Variants in CDKL5 observed in about 807,000 individuals in gnomAD.
CDKL5 encodes cyclin-dependent kinase-like 5.
A neutral mutation model predicts 61.7 loss-of-function variants in CDKL5; 8 were observed. The observed-to-expected ratio is 0.13, with a 90% confidence interval of 0.08 to 0.23. The LOEUF is 0.23. Ranked by LOEUF, CDKL5 falls within the 10% of genes least tolerant of loss-of-function variation. The pLI is 1.00. For synonymous variants in CDKL5, 275 were observed against 272.3 expected (o/e 1.01, Z -0.10); for missense variants, 440 against 734.5 (o/e 0.60, Z 4.63).
chrX:18,505,695 CA>C (rs1348472472), intron 1 of CDKL5, among the ~76,000 whole-genome samples: 2 of 112,418 alleles, frequency 1.8e-5, no homozygotes, highest in Non-Finnish European at 3.8e-5. Flanking sequence ...TACATCCTAT[CA>C]GGGGGCATAT....
chrX:18,567,984 C>T (rs1233387108), intron 4 of CDKL5, among the ~76,000 whole-genome samples: 2 of 111,913 alleles, frequency 1.8e-5, no homozygotes, highest in Admixed American at 9.5e-5. Flanking sequence ...TATAGTTGGG[C>T]AAAATCATAT....
chrX:18,645,998 A>G lies in CDKL5; in HGVS notation c.2714-9A>G, dbSNP rs1398490648. The G allele has an allele frequency of 1.7e-6, 2 of 1,211,046 alleles. No individual in the cohort carries two copies. Among genetic ancestry groups the G allele is most frequent in the South Asian group, 1.8e-5 (1 of 56,943 alleles). On this transcript the variant is annotated splice_polypyrimidine_tract_variant and intron_variant, in intron 19 of 21. Coordinates refer to the CDKL5 transcript ENST00000379989. Reference sequence around the variant, plus strand: ...CTCTGCTGCTCTTTTGTTTCTCCCCACTAACTAGACGGTGGATGTGATGGC... The same window carrying G: ...CTCTGCTGCTCTTTTGTTTCTCCCCGCTAACTAGACGGTGGATGTGATGGC...
chrX:18,509,197 G>GCGCACACA (rs1555940193), intron 2 of CDKL5, among the ~76,000 whole-genome samples: 22 of 64,308 alleles, frequency 3.4e-4, no homozygotes, highest in African/African-American at 7.1e-4. Flanking sequence ...CTCAAAACAC[G>GCGCACACA]CACACACACA....
intron 1 of CDKL5, among the ~76,000 whole-genome samples, chrX:18,476,937 T>G (rs1921338049): frequency 1.8e-5 from 2 of 111,244 alleles, no homozygotes. Context: ...GCCCAGCTAA[T>G]TTTTGTATTT....
chrX:18,586,625 T>A (rs958569142), intron 8 of CDKL5, among the ~76,000 whole-genome samples: 9 of 112,384 alleles, frequency 8.0e-5, no homozygotes, highest in African/African-American at 2.6e-4. Flanking sequence ...GAGCCATATT[T>A]GTAAAAATCC....
At chrX:18,458,706 G>A (rs1359904454) in intron 1 of CDKL5, among the ~76,000 whole-genome samples, 2 of 109,439 alleles carry the variant, frequency 1.8e-5, no homozygotes, top group East Asian at 5.7e-4. Context: ...AGGCGACAGA[G>A]CGAGACCCTG....
At chrX:18,547,431 G>A (rs1265970096) in intron 3 of CDKL5, among the ~76,000 whole-genome samples, 1 of 112,202 alleles carries the variant, frequency 8.9e-6, no homozygotes, top group Non-Finnish European at 1.9e-5. Context: ...CAAAACTGAT[G>A]ATCTTACTGA....
At chrX:18,652,374 T>G (rs1010123750) in intron 21 of CDKL5, among the ~76,000 whole-genome samples, 1 of 112,066 alleles carries the variant, frequency 8.9e-6, no homozygotes, top group African/African-American at 3.2e-5. Context: ...GTGAAAGAAT[T>G]AAGGGGATCC....
intron 1 of CDKL5, among the ~76,000 whole-genome samples, chrX:18,448,388 C>G (rs144152185): frequency 1.3e-3 from 144 of 112,200 alleles, no homozygotes; most frequent in African/African-American, 4.5e-3. Context: ...GATATAGTCT[C>G]TGCCCACCCA....
At chrX:18,502,667 G>C (rs1922429519) in intron 1 of CDKL5, among the ~76,000 whole-genome samples, 1 of 111,541 alleles carries the variant, frequency 9.0e-6, no homozygotes, top group Non-Finnish European at 1.9e-5. Context: ...AATCTGTAGG[G>C]ATACTGAAGT....
At chrX:18,642,131 G>A (rs150172233), downstream of CDKL5, 1,532 of 1,210,174 alleles carry the variant, frequency 1.3e-3, 7 homozygotes, top group Non-Finnish European at 8.8e-4. Context: ...AACCGTGGAG[G>A]TGCGGTCCGA....
intron 9 of CDKL5, 129 bp downstream of exon 9, chrX:18,588,272 C>T: frequency 2.1e-6 from 1 of 486,275 alleles, no homozygotes; most frequent in South Asian, 4.1e-5. Context: ...TTTATAATCC[C>T]TATTATAATA....
At chrX:18,609,021 A>G (rs763352639) in intron 13 of CDKL5, 109 bp downstream of exon 13, 1 of 566,235 alleles carries the variant, frequency 1.8e-6, no homozygotes. Flanking sequence ...AGTGGCTTAT[A>G]AAGTAAGTAG....
intron 20 of CDKL5, among the ~76,000 whole-genome samples, chrX:18,646,351 A>G (rs995606779): frequency 1.8e-5 from 2 of 111,514 alleles, no homozygotes; most frequent in Non-Finnish European, 3.8e-5. Context: ...ATGAGGTTTC[A>G]CCATGTTGGC....
At chrX:18,505,070 CAA>C (rs1922530708) in intron 1 of CDKL5, among the ~76,000 whole-genome samples, 2 of 111,250 alleles carry the variant, frequency 1.8e-5, no homozygotes, top group South Asian at 7.4e-4. Context: ...CTTTTTGAAA[CAA>C]AGCTTATTTT....
intron 1 of CDKL5, among the ~76,000 whole-genome samples, chrX:18,460,447 G>A (rs1170953876): frequency 9.0e-6 from 1 of 111,243 alleles, no homozygotes; most frequent in East Asian, 2.8e-4. Context: ...CTGAGATTTG[G>A]GTGAGGACAC....
At chrX:18,468,652 T>C (rs1409405189) in intron 1 of CDKL5, among the ~76,000 whole-genome samples, 1 of 112,597 alleles carries the variant, frequency 8.9e-6, no homozygotes, top group Non-Finnish European at 1.9e-5. Flanking sequence ...TCTTTTAAAA[T>C]AAGTTATAAA....
At chrX:18,486,713 G>A (rs1472881192) in intron 1 of CDKL5, among the ~76,000 whole-genome samples, 1 of 112,034 alleles carries the variant, frequency 8.9e-6, no homozygotes, top group Non-Finnish European at 1.9e-5. Flanking sequence ...CGCATAAAGA[G>A]TAGCAAATTT....
intron 5 of CDKL5, among the ~76,000 whole-genome samples, chrX:18,576,763 T>C (rs1925310436): frequency 9.1e-6 from 1 of 110,271 alleles, no homozygotes; most frequent in Non-Finnish European, 1.9e-5. Flanking sequence ...TGTCAACTTA[T>C]ACATTCCTCT....
Sources: gnomAD v4.1 joint callset for allele counts (sites outside exome capture counted in the v4.1 genomes callset) on GRCh38, gnomAD v4.1.1 for gene constraint, MANE v1.5 for transcripts, NCBI Gene and HGNC (gene_info 2026-07-23, HGNC 2026-07-21) for gene names.